NEGR1: variants seen among roughly 807,000 people sequenced by gnomAD.
The protein encoded by NEGR1 is IgLON family member 4.
NEGR1 carries 10 observed loss-of-function variants against 40.9 expected under a neutral mutation model. That is an observed-to-expected ratio of 0.24 (90% CI 0.15 to 0.42). NEGR1 has a LOEUF of 0.42. Among genes scored for constraint, NEGR1 ranks in the 10% least tolerant of loss-of-function variants. The pLI is 1.00. For synonymous variants in NEGR1, 185 were observed against 166.8 expected (o/e 1.11, Z -0.84); for missense variants, 352 against 438.9 (o/e 0.80, Z 1.77).
chr1:71,977,081 G>C (rs1481865537), intron 1 of NEGR1, among the ~76,000 whole-genome samples: 3 of 152,142 alleles, frequency 2.0e-5, no homozygotes, highest in Non-Finnish European at 4.4e-5. Context: ...TCAGGACTTC[G>C]GGAGGCCGAG....
intron 3 of NEGR1, among the ~76,000 whole-genome samples, chr1:71,758,546 T>C (rs1306580133): frequency 2.0e-5 from 3 of 152,132 alleles, no homozygotes. Context: ...TATAATTTTC[T>C]ACTAGTGATG....
intron 1 of NEGR1, among the ~76,000 whole-genome samples, chr1:72,219,549 A>G (rs186084792): frequency 1.9e-4 from 29 of 152,172 alleles, no homozygotes; most frequent in African/African-American, 5.3e-4. Flanking sequence ...GAAAAATACT[A>G]GCTTATGATA....
intron 4 of NEGR1, among the ~76,000 whole-genome samples, chr1:71,668,008 TTA>T (rs1491415804): frequency 6.6e-6 from 1 of 152,214 alleles, no homozygotes; most frequent in Admixed American, 6.5e-5. Context: ...CTAAATCAGT[TTA>T]TGTTTTTTCC....
chr1:72,036,219 T>C (rs936556263), intron 1 of NEGR1, among the ~76,000 whole-genome samples: 1 of 152,118 alleles, frequency 6.6e-6, no homozygotes, highest in Non-Finnish European at 1.5e-5. Flanking sequence ...CCTAGACTGA[T>C]TGCCTAGATA....
At chr1:72,234,875 G>T (rs1242360286) in intron 1 of NEGR1, among the ~76,000 whole-genome samples, 1 of 152,010 alleles carries the variant, frequency 6.6e-6, no homozygotes, top group Non-Finnish European at 1.5e-5. Flanking sequence ...AGACAGAGTG[G>T]CAATTCCTCA....
At chr1:71,917,646 C>T (rs1469940418) in intron 2 of NEGR1, among the ~76,000 whole-genome samples, 5 of 151,558 alleles carry the variant, frequency 3.3e-5, no homozygotes, top group African/African-American at 9.7e-5. Flanking sequence ...GGCCTGGTGG[C>T]GGGCGCCTGT....
At chr1:72,011,538 A>G (rs17363292) in intron 1 of NEGR1, among the ~76,000 whole-genome samples, 13,136 of 152,254 alleles carry the variant, frequency 0.086, 685 homozygotes, top group Middle Eastern at 0.18. Context: ...AGTAATCGCC[A>G]TAGATCAAGC....
intron 6 of NEGR1, among the ~76,000 whole-genome samples, chr1:71,526,508 T>C (rs552611913): frequency 1.3e-5 from 2 of 151,580 alleles, no homozygotes; most frequent in Admixed American, 1.3e-4. Context: ...ATTTATGGTA[T>C]TTTCCCCATC....
At chr1:72,242,349 G>A (rs1191265130) in intron 1 of NEGR1, among the ~76,000 whole-genome samples, 1 of 149,138 alleles carries the variant, frequency 6.7e-6, no homozygotes, top group Non-Finnish European at 1.5e-5. Flanking sequence ...GCATGTATAT[G>A]TGTGTGTCTG....
At chr1:71,792,041 T>C (rs1657137524) in intron 2 of NEGR1, among the ~76,000 whole-genome samples, 1 of 152,106 alleles carries the variant, frequency 6.6e-6, no homozygotes, top group South Asian at 2.1e-4. Context: ...TGAGAATAAA[T>C]TATAGAGGAC....
chr1:71,581,902 C>T lies in NEGR1; in HGVS notation c.940+10915G>A, dbSNP rs551982857. ...TATTTTTTGTAGAGATGGGGTATTG[C>T]CATGTTGCCCAAGCTGGTCTTAAAC... On this transcript the variant is annotated intron_variant, in intron 6 of 6. Transcript: ENST00000357731. 8.6e-5 allele frequency among the ~76,000 whole-genome samples: 13 copies of T among 151,918 alleles called. No individual in the cohort carries two copies. The South Asian group carries it at 2.1e-3, about 24-fold the overall frequency.
At chr1:71,597,472 C>CTCTCTCTCTCTCTG (rs756076229) in intron 5 of NEGR1, among the ~76,000 whole-genome samples, 28 of 31,334 alleles carry the variant, frequency 8.9e-4, no homozygotes, top group South Asian at 2.3e-3. Flanking sequence ...CTCTCTCTCT[C>CTCTCTCTCTCTCTG]TGTGTGTGTG....
chr1:71,904,041 A>ATC (rs1479124265), intron 2 of NEGR1, among the ~76,000 whole-genome samples: 1 of 151,930 alleles, frequency 6.6e-6, no homozygotes, highest in African/African-American at 2.4e-5. Flanking sequence ...ACTCCATGTA[A>ATC]TCACTCTGTT....
At chr1:71,680,749 C>T (rs1006559943) in intron 4 of NEGR1, among the ~76,000 whole-genome samples, 2 of 152,158 alleles carry the variant, frequency 1.3e-5, no homozygotes, top group African/African-American at 4.8e-5. Context: ...CTGCTTCATC[C>T]CACAGATTAG....
chr1:72,144,752 A>G (rs933596979), intron 1 of NEGR1, among the ~76,000 whole-genome samples: 2 of 152,086 alleles, frequency 1.3e-5, no homozygotes, highest in African/African-American at 4.8e-5. Flanking sequence ...GTGGAACTCC[A>G]TACTTCAAAG....
At chr1:71,621,509 C>A (rs537412347) in intron 4 of NEGR1, among the ~76,000 whole-genome samples, 2 of 151,522 alleles carry the variant, frequency 1.3e-5, no homozygotes, top group East Asian at 1.9e-4. Flanking sequence ...GTTAACTTGA[C>A]CTTAATGTTT....
intron 3 of NEGR1, among the ~76,000 whole-genome samples, chr1:71,774,520 C>G (rs770485688): frequency 3.7e-4 from 57 of 152,150 alleles, no homozygotes; most frequent in Admixed American, 2.2e-3. Context: ...ATTAGACACA[C>G]TGCATAAATG....
At chr1:72,008,948 A>T (rs1243593573) in intron 1 of NEGR1, among the ~76,000 whole-genome samples, 1 of 150,830 alleles carries the variant, frequency 6.6e-6, no homozygotes, top group Admixed American at 6.7e-5. Flanking sequence ...GTTCTAGTCC[A>T]TACCAGTTAA....
At chr1:71,784,250 A>G (rs1307247510) in intron 2 of NEGR1, among the ~76,000 whole-genome samples, 1 of 152,142 alleles carries the variant, frequency 6.6e-6, no homozygotes, top group Non-Finnish European at 1.5e-5. Flanking sequence ...TCCAAAGTCT[A>G]CAGATTTTGG....
Sources: gnomAD v4.1 joint callset for allele counts (sites outside exome capture counted in the v4.1 genomes callset) on GRCh38, gnomAD v4.1.1 for gene constraint, MANE v1.5 for transcripts, NCBI Gene and HGNC (gene_info 2026-07-23, HGNC 2026-07-21) for gene names.